The following STT3B variants were observed in gnomAD, a reference collection of about 807,000 sequenced individuals.
STT3B encodes the protein dolichyl-diphosphooligosaccharide--protein glycosyltransferase subunit STT3B.
Under a neutral mutation model 96.8 loss-of-function variants are expected in STT3B, and 29 were observed. The observed-to-expected ratio is 0.30, with a 90% CI of 0.22 to 0.41. The LOEUF (loss-of-function observed/expected upper bound fraction) is 0.41, where lower values mean the gene tolerates loss of function less well. STT3B is among the 10% of genes least tolerant of loss of function. STT3B has a pLI of 1.00. For synonymous variants in STT3B, 367 were observed against 360.0 expected, an observed-to-expected ratio of 1.02 and a Z score of -0.22; for missense variants, 640 against 1,022.3, an observed-to-expected ratio of 0.63 and a Z score of 5.10.
chr3:31,631,947 C>T (rs1179324603), intron 14 of STT3B, among the ~76,000 whole-genome samples: 2 of 152,072 alleles, frequency 1.3e-5, no homozygotes, highest in South Asian at 2.1e-4. Flanking sequence ...TGTTGACCTC[C>T]TGGGCTCAGT....
chr3:31,596,995 TCTC>T (rs1305782229), intron 4 of STT3B, 132 bp downstream of exon 4: 9 of 678,108 alleles, frequency 1.3e-5, no homozygotes, highest in East Asian at 2.7e-5. Context: ...CCTCTTTCCT[TCTC>T]CTACTCACAG....
intron 1 of STT3B, among the ~76,000 whole-genome samples, chr3:31,568,378 G>A (rs1254130073): frequency 2.0e-5 from 3 of 152,184 alleles, no homozygotes; most frequent in East Asian, 3.9e-4. Context: ...TATGTACCAA[G>A]CAGTGGGATT....
At position 31,576,471 on chromosome 3, in the gene STT3B, A is replaced by G. The variant is rs755782930; in HGVS notation, c.390A>G (p.Ala130=). The G allele has an allele frequency of 5.0e-6, 8 of 1,601,840 alleles. No individual in the cohort carries two copies. Among genetic ancestry groups the G allele is most frequent in the Admixed American group, 3.4e-5 (2 of 59,160 alleles). Residue 130 remains alanine (A), a synonymous_variant, in exon 2 of 16, where the codon GCA becomes GCG. Transcript: ENST00000295770. ...TTTTAAATTGGTTTGATGAAAGAGC[A>G]TGGTATCCACTAGGAAGAATAGTAG... ...YEFLNWFDER[A]WYPLGRIVGG...
chr3:31,542,518 C>G (rs1009917861), intron 1 of STT3B, among the ~76,000 whole-genome samples: 2 of 151,736 alleles, frequency 1.3e-5, no homozygotes, highest in Non-Finnish European at 2.9e-5. Context: ...TCTTCAAACT[C>G]TGTTTAGTCA....
chr3:31,554,862 C>T (rs2125441854), intron 1 of STT3B, among the ~76,000 whole-genome samples: 1 of 152,112 alleles, frequency 6.6e-6, no homozygotes. Flanking sequence ...CATAACAGCC[C>T]TAAAGTCAAC....
intron 1 of STT3B, among the ~76,000 whole-genome samples, chr3:31,546,998 A>G (rs185358751): frequency 1.8e-4 from 27 of 152,310 alleles, no homozygotes; most frequent in East Asian, 1.2e-3. Flanking sequence ...GCTTTGCTCA[A>G]CCTACCTGTT....
chr3:31,602,047 C>G (rs779524490), intron 5 of STT3B, among the ~76,000 whole-genome samples: 1 of 152,076 alleles, frequency 6.6e-6, no homozygotes, highest in Non-Finnish European at 1.5e-5. Context: ...CCACTTGAGT[C>G]CAGGAGTTCA....
chr3:31,619,773 A>G lies in STT3B; in HGVS notation c.1270A>G (p.Thr424Ala). 1 of 1,613,952 alleles carries G rather than the reference A, an allele frequency of 6.2e-7. No homozygotes were observed. Among genetic ancestry groups the G allele is most frequent in the Non-Finnish European group, 8.5e-7 (1 of 1,179,928 alleles). Residue 424 changes from threonine (T) to alanine (A), a missense_variant, in exon 9 of 16, where the codon ACC becomes GCC. Coordinates refer to ENST00000295770, the MANE Select transcript of STT3B (RefSeq NM_178862.3). ...CTTTGATCTACATATTCTTGTATGT[A>G]CCTTCCCAGCAGGCCTTTGGTTCTG... ...FFFDLHILVC[T>A]FPAGLWFCIK...
chr3:31,550,877 C>T (rs777032662), intron 1 of STT3B, among the ~76,000 whole-genome samples: 10 of 151,938 alleles, frequency 6.6e-5, no homozygotes, highest in Non-Finnish European at 1.5e-4. Context: ...CACTAGATGG[C>T]AGGAGCAATA....
At chr3:31,600,648 G>A (rs1377912876) in intron 5 of STT3B, among the ~76,000 whole-genome samples, 189 bp downstream of exon 5, 4 of 151,858 alleles carry the variant, frequency 2.6e-5, no homozygotes, top group Admixed American at 2.6e-4. Context: ...ACTTTTCCTT[G>A]ACAAGTTTTT....
chr3:31,535,083 A>G (rs1697053467), intron 1 of STT3B, among the ~76,000 whole-genome samples: 1 of 152,000 alleles, frequency 6.6e-6, no homozygotes, highest in Non-Finnish European at 1.5e-5. Context: ...CAGGTAACAA[A>G]ATTGTGAATA....
rs147933272 is a variant in STT3B at position 31,545,919 on chromosome 3, A to G, written c.314+12607A>G. The stretch of plus-strand genomic sequence containing the variant: ...TGGCCCAGGGAAGCCGAAAGATTGG[A>G]CACCCCTGCTGTGAAAACAATATAT... On this transcript the variant is annotated intron_variant, in intron 1 of 15. Coordinates refer to ENST00000295770, the MANE Select transcript of STT3B (RefSeq NM_178862.3). Among the ~76,000 whole-genome samples the G allele has an allele frequency of 2.1e-3, 313 of 151,654 alleles. 1 individual carries two copies. The highest frequency in any genetic ancestry group is 6.9e-3 in the African/African-American group (284 of 41,346).
intron 1 of STT3B, among the ~76,000 whole-genome samples, chr3:31,541,326 C>G (rs1406724742): frequency 2.6e-5 from 4 of 152,278 alleles, no homozygotes; most frequent in Middle Eastern, 6.8e-3. Context: ...CCTTCCACCC[C>G]CTGACTTTAT....
At chr3:31,615,293 GGTT>G in intron 6 of STT3B, 90 bp downstream of exon 6, 1 of 1,011,438 alleles carries the variant, frequency 9.9e-7, no homozygotes, top group Admixed American at 2.8e-5. Flanking sequence ...TGATCATTTT[GGTT>G]GTTGCAATGA....
In STT3B at chr3:31,567,595, A is replaced by G. The variant is rs1302735850; in HGVS notation, c.315-8801A>G. Among the ~76,000 whole-genome samples, 5 of 152,284 alleles carry G rather than the reference A, an allele frequency of 3.3e-5. No individual in the cohort carries two copies. In the South Asian group the frequency reaches 8.3e-4, roughly 25 times the overall value. On this transcript the variant is annotated intron_variant, in intron 1 of 15. Coordinates refer to ENST00000295770, the MANE Select transcript of STT3B (RefSeq NM_178862.3). ...TCTTTCTGATACGGTGTCACTTTTAATGAGGACTGAAAATGTTAATTAAAC... is the reference window on the plus strand; with the variant it reads ...TCTTTCTGATACGGTGTCACTTTTAGTGAGGACTGAAAATGTTAATTAAAC...
At position 31,559,146 on chromosome 3, in the gene STT3B, G is replaced by GGGGT. The variant is rs949401027; in HGVS notation, c.315-17249_315-17248insGGTG. On this transcript the variant is annotated intron_variant, in intron 1 of 15. Coordinates refer to ENST00000295770, the MANE Select transcript of STT3B (RefSeq NM_178862.3). ...TTGTTTTTGTTTCATTGATTCTTGGGGTGTGTGTGTGTGTGTGTGTGTGTG... is the reference window on the plus strand; with the variant it reads ...TTGTTTTTGTTTCATTGATTCTTGGGGGGTGTGTGTGTGTGTGTGTGTGTGTGTG... Among the ~76,000 whole-genome samples the GGGGT allele has an allele frequency of 5.3e-3, 614 of 116,520 alleles. 2 individuals are homozygous for GGGGT. The highest frequency in any genetic ancestry group is 7.9e-3 in the Non-Finnish European group (445 of 56,366). The allele number at this position is 116,520 out of a possible 152,430, so 76.4% of individuals were successfully genotyped here.
chr3:31,548,720 G>C (rs150385641), intron 1 of STT3B, among the ~76,000 whole-genome samples: 8 of 152,046 alleles, frequency 5.3e-5, no homozygotes, highest in African/African-American at 9.7e-5. Flanking sequence ...GTTCGGAAAG[G>C]GGGTGAAGAA....
intron 13 of STT3B, among the ~76,000 whole-genome samples, chr3:31,627,305 A>G (rs1204382500): frequency 1.3e-5 from 2 of 152,176 alleles, no homozygotes; most frequent in African/African-American, 2.4e-5. Flanking sequence ...CAGGGGATCT[A>G]GGTTGCATGT....
At chr3:31,561,686 T>C (rs1159333168) in intron 1 of STT3B, among the ~76,000 whole-genome samples, 2 of 152,194 alleles carry the variant, frequency 1.3e-5, no homozygotes, top group Non-Finnish European at 2.9e-5. Flanking sequence ...TACTGTGTTC[T>C]TTTGGAGGTG....
Sources: allele counts gnomAD v4.1 joint callset (sites outside exome capture counted in the v4.1 genomes callset), GRCh38; gene constraint gnomAD v4.1.1; transcripts MANE v1.5; gene names NCBI Gene and HGNC (gene_info 2026-07-23, HGNC 2026-07-21).